The following FEZ2 variants were observed in gnomAD, a reference collection of about 807,000 sequenced individuals.
The protein encoded by FEZ2 is fasciculation and elongation protein zeta-2.
In FEZ2, 51 loss-of-function variants were observed where a neutral mutation model predicts 40.4. The observed-to-expected ratio is 1.26, with a 90% CI of 1.01 to 1.59. The LOEUF (loss-of-function observed/expected upper bound fraction) is 1.59, where lower values mean the gene tolerates loss of function less well. Among genes scored for constraint, FEZ2 ranks in the 40% most tolerant of loss-of-function variants. The pLI is 0.00. For missense variants in FEZ2, 640 were observed against 438.3 expected, an observed-to-expected ratio of 1.46 and a Z score of -4.11; for synonymous variants, 242 against 172.0, an observed-to-expected ratio of 1.41 and a Z score of -3.18.
At chr2:36,583,292 A>C (rs1054745547) in intron 3 of FEZ2, 61 bp downstream of exon 3, 1 of 851,100 alleles carries the variant, frequency 1.2e-6, no homozygotes, top group African/African-American at 1.7e-5. Context: ...TGTCATAACA[A>C]GAAGCCGTTT....
chr2:36,591,867 A>G (rs1295248560), intron 1 of FEZ2, among the ~76,000 whole-genome samples: 3 of 152,180 alleles, frequency 2.0e-5, no homozygotes, highest in Non-Finnish European at 4.4e-5. Flanking sequence ...GACCTGGACA[A>G]GAAGCAGATA....
intron 1 of FEZ2, among the ~76,000 whole-genome samples, chr2:36,591,993 C>T (rs1669086894): frequency 6.6e-6 from 1 of 152,102 alleles, no homozygotes; most frequent in African/African-American, 2.4e-5. Flanking sequence ...ATTCAGGTTT[C>T]AATACCAAAG....
chr2:36,592,440 T>C (rs752061518), intron 1 of FEZ2, among the ~76,000 whole-genome samples: 2 of 151,884 alleles, frequency 1.3e-5, no homozygotes, highest in African/African-American at 4.8e-5. Flanking sequence ...CAAATAGGGA[T>C]TGGGCGCTAA....
At position 36,597,930 on chromosome 2, in the gene FEZ2, G is replaced by T. The variant is rs559312556; in HGVS notation, c.213C>A (p.Pro71=). 1.4e-6 allele frequency: 2 copies of T among 1,437,708 alleles called. No homozygotes were observed. Among genetic ancestry groups the T allele is most frequent in the Admixed American group, 5.4e-5 (2 of 37,138 alleles). The allele number at this position is 1,437,708 out of a possible 1,614,324, so 89.1% of individuals were successfully genotyped here. Residue 71 remains proline, a synonymous_variant, in exon 1 of 8, where the codon CCC becomes CCA. Transcript: ENST00000405912. Reference sequence around the variant, plus strand: ...TGATGGGCCGCACGGCCGTCCTCGGGGGCTCGGCGCCCGGATCCGAGGGGC... The same window carrying T: ...TGATGGGCCGCACGGCCGTCCTCGGTGGCTCGGCGCCCGGATCCGAGGGGC... ...CFRPSDPGAE[P]PRTAVRPITE...
rs780713051 is a variant in FEZ2, at chr2:36,597,864, G to A, written c.266+13C>T. The A allele has an allele frequency of 4.4e-6, 6 of 1,352,930 alleles. No homozygotes were observed. The highest frequency in any genetic ancestry group is 3.4e-5 in the South Asian group (2 of 58,042). 83.8% of individuals were successfully genotyped at this position (1,352,930 alleles called of 1,614,324 possible). A position where few individuals can be genotyped will look rare whatever the true frequency, so the allele number is the denominator to read the frequency against. ...AGGCTCCCGCCCACTCCCGGCCGGG[G>A]CCCCGCACTCACTCGTCCCCCTGCA... On this transcript the variant is annotated intron_variant, in intron 1 of 7. Transcript: ENST00000405912.
chr2:36,584,361 C>A (rs1303552786), intron 2 of FEZ2, among the ~76,000 whole-genome samples: 2 of 152,240 alleles, frequency 1.3e-5, no homozygotes, highest in Admixed American at 6.5e-5. Flanking sequence ...CTGTTGCCAG[C>A]CCTGGGGGAT....
chr2:36,581,783 G>A (rs1345292850), intron 3 of FEZ2, among the ~76,000 whole-genome samples: 1 of 152,046 alleles, frequency 6.6e-6, no homozygotes. Flanking sequence ...GTAATCGTTA[G>A]AAGAAAGCAA....
At chr2:36,595,487 G>A (rs940273470) in intron 1 of FEZ2, among the ~76,000 whole-genome samples, 23 of 152,182 alleles carry the variant, frequency 1.5e-4, no homozygotes, top group Non-Finnish European at 2.8e-4. Flanking sequence ...TCTGACAGGA[G>A]GTGGCTCAGG....
At chr2:36,579,560 C>T (rs146837561) in intron 4 of FEZ2, among the ~76,000 whole-genome samples, 277 of 152,220 alleles carry the variant, frequency 1.8e-3, no homozygotes, top group African/African-American at 6.4e-3. Flanking sequence ...CCCCCAGCCC[C>T]CTTCCTCCTG....
In FEZ2 at chr2:36,566,076, G is replaced by A. The variant is rs117325052; in HGVS notation, c.904-7563C>T. On this transcript the variant is annotated intron_variant, in intron 5 of 7. Transcript: ENST00000405912. ...CTACATCCTTAACACCCATGCCAGG[G>A]ACACAACTGTGGATCAATTAATGTT... Among the ~76,000 whole-genome samples the A allele has an allele frequency of 1.6e-4, 24 of 152,280 alleles. No homozygotes were observed. In the East Asian group the frequency reaches 4.4e-3, roughly 28 times the overall value.
Position 36,553,081 on chromosome 2 carries a change from C to G in FEZ2, c.*82G>C. 8.6e-7 allele frequency: 1 copy of G among 1,166,564 alleles called. No individual in the cohort carries two copies. Among genetic ancestry groups the G allele is most frequent in the African/African-American group, 1.5e-5 (1 of 64,716 alleles). The allele number at this position is 1,166,564 out of a possible 1,614,324, so 72.3% of individuals were successfully genotyped here. On this transcript the variant is annotated 3_prime_UTR_variant, in exon 8 of 8. Coordinates refer to ENST00000405912, the MANE Select transcript of FEZ2 (RefSeq NM_005102.3). ...TTCAAATGTGCTGAGTTTCCAATAG[C>G]AAGAAGGGTAATGGTAGCCAGCTCT...
intron 2 of FEZ2, chr2:36,589,611 G>T (rs1349366947): frequency 6.6e-6 from 1 of 152,226 alleles, no homozygotes; most frequent in South Asian, 2.1e-4. Flanking sequence ...AAACAAGACA[G>T]AGCAAAAGAT....
intron 4 of FEZ2, among the ~76,000 whole-genome samples, chr2:36,580,254 C>A (rs1427375478): frequency 6.6e-6 from 1 of 152,224 alleles, no homozygotes; most frequent in Non-Finnish European, 1.5e-5. Context: ...TTAGCCCATA[C>A]CTACAGGAAC....
intron 2 of FEZ2, among the ~76,000 whole-genome samples, chr2:36,584,389 G>C (rs1261958798): frequency 2.0e-5 from 3 of 152,180 alleles, no homozygotes; most frequent in Non-Finnish European, 4.4e-5. Flanking sequence ...CATCAAGTTT[G>C]TTTCCCTTAA....
At chr2:36,577,458 T>C (rs967097874) in intron 5 of FEZ2, among the ~76,000 whole-genome samples, 3 of 152,152 alleles carry the variant, frequency 2.0e-5, no homozygotes, top group Admixed American at 6.5e-5. Flanking sequence ...GGTTTCTCCA[T>C]GTTGAGGCTG....
chr2:36,585,137 C>G (rs1034428392), intron 2 of FEZ2, among the ~76,000 whole-genome samples: 1 of 152,068 alleles, frequency 6.6e-6, no homozygotes, highest in African/African-American at 2.4e-5. Flanking sequence ...GATCAGGAAT[C>G]AAAATGTCAA....
intron 2 of FEZ2, among the ~76,000 whole-genome samples, chr2:36,588,269 C>G (rs1026460571): frequency 2.0e-5 from 3 of 152,082 alleles, no homozygotes; most frequent in African/African-American, 7.3e-5. Context: ...CTTAGGTGAT[C>G]CATCCACCTC....
chr2:36,566,296 C>T (rs531819988), intron 5 of FEZ2, among the ~76,000 whole-genome samples: 29 of 150,582 alleles, frequency 1.9e-4, no homozygotes, highest in African/African-American at 5.9e-4. Flanking sequence ...GCCGAGATCG[C>T]GCCACTGCAC....
intron 5 of FEZ2, among the ~76,000 whole-genome samples, chr2:36,564,369 T>C (rs1292739631): frequency 6.6e-6 from 1 of 152,150 alleles, no homozygotes; most frequent in East Asian, 1.9e-4. Flanking sequence ...GGTTCCTCCT[T>C]CAGCATTTTA....
Sources: allele counts gnomAD v4.1 joint callset (sites outside exome capture counted in the v4.1 genomes callset), GRCh38; gene constraint gnomAD v4.1.1; transcripts MANE v1.5; gene names NCBI Gene and HGNC (gene_info 2026-07-23, HGNC 2026-07-21).